The following TNK2 variants were observed in gnomAD, a reference collection of about 807,000 sequenced individuals.
TNK2 encodes tyrosine kinase non receptor 2, also known as activated CDC42 kinase 1.
In TNK2, 83 loss-of-function variants were observed where a neutral mutation model predicts 101.8. The observed-to-expected ratio is 0.82, with a 90% CI of 0.68 to 0.98. TNK2 has a LOEUF of 0.98. Among genes scored for constraint, TNK2 ranks in the 50% least tolerant of loss-of-function variants. The pLI is 0.00. For synonymous variants in TNK2, 804 were observed against 633.0 expected (o/e 1.27, Z -4.06); for missense variants, 1,665 against 1,483.2 (o/e 1.12, Z -2.01).
In TNK2 at chr3:195,864,209, G is replaced by A. The variant is rs773358269; in HGVS notation, c.3162-22C>T. On this transcript the variant is annotated intron_variant, in intron 15 of 15. Transcript: ENST00000672887. ...GCGCCTAGAGAATGGGAAACCACCA[G>A]CACAGTTAAACAGTTTACAGAAGGT... 4.3e-6 allele frequency: 7 copies of A among 1,613,872 alleles called. No individual in the cohort carries two copies. In the Admixed American group the frequency reaches 1.0e-4, roughly 23 times the overall value.
intron 1 of TNK2, among the ~76,000 whole-genome samples, chr3:195,891,168 C>T (rs76007885): frequency 0.14 from 21,653 of 152,256 alleles, 1,662 homozygotes; most frequent in Non-Finnish European, 0.18. Flanking sequence ...GCTGTAATCC[C>T]AGCACTTAGG....
chr3:195,906,857 C>G (rs946345366), intron 1 of TNK2, among the ~76,000 whole-genome samples: 1 of 152,180 alleles, frequency 6.6e-6, no homozygotes, highest in African/African-American at 2.4e-5. Flanking sequence ...CCAGAGGGAA[C>G]AGTCTGACCC....
At chr3:195,881,637 C>G (rs1270152428) in intron 6 of TNK2, among the ~76,000 whole-genome samples, 4 of 30,872 alleles carry the variant, frequency 1.3e-4, no homozygotes, top group Non-Finnish European at 2.0e-4. Flanking sequence ...CTTGTAACAC[C>G]CCCCCCCCAG....
intron 1 of TNK2, among the ~76,000 whole-genome samples, chr3:195,906,776 AAAAC>A (rs1162291634): frequency 1.3e-5 from 2 of 152,342 alleles, no homozygotes; most frequent in African/African-American, 4.8e-5. Context: ...ACTGTTATTT[AAAAC>A]AAACAAAAAG....
intron 1 of TNK2, chr3:195,892,827 CCT>C: frequency 1.1e-6 from 1 of 882,332 alleles, no homozygotes; most frequent in South Asian, 4.2e-5. Flanking sequence ...TCTCTCTCTC[CCT>C]CTCTCCCTCC....
At chr3:195,896,558 CA>C (rs1449362686) in intron 1 of TNK2, among the ~76,000 whole-genome samples, 1 of 152,206 alleles carries the variant, frequency 6.6e-6, no homozygotes, top group African/African-American at 2.4e-5. Flanking sequence ...GGAGTAGCTG[CA>C]AAGCCGGGAG....
At chr3:195,887,929 T>C (rs1163295899) in intron 2 of TNK2, among the ~76,000 whole-genome samples, 2 of 137,818 alleles carry the variant, frequency 1.5e-5, no homozygotes, top group African/African-American at 5.7e-5. Context: ...TGCGTGCACG[T>C]GTGTGCGCAT....
In TNK2 at chr3:195,867,028, G is replaced by A. The variant is rs1246901603; in HGVS notation, c.3034-12C>T. The A allele has an allele frequency of 2.5e-6, 4 of 1,612,826 alleles. No homozygotes were observed. Among genetic ancestry groups the A allele is most frequent in the Non-Finnish European group, 3.4e-6 (4 of 1,179,824 alleles). ...AAGAGCTGCTCCACCTGGGGGTAAGGGTGGCGCCATGGACACGCGGGCCCA... is the reference window on the plus strand; with the variant it reads ...AAGAGCTGCTCCACCTGGGGGTAAGAGTGGCGCCATGGACACGCGGGCCCA... On this transcript the variant is annotated splice_polypyrimidine_tract_variant and intron_variant, in intron 14 of 15. Coordinates refer to ENST00000672887, the MANE Select transcript of TNK2 (RefSeq NM_001382273.1).
chr3:195,887,867 G>A (rs1327491476), intron 2 of TNK2, among the ~76,000 whole-genome samples: 1 of 141,024 alleles, frequency 7.1e-6, no homozygotes, highest in Middle Eastern at 3.4e-3. Flanking sequence ...TGTGTGCGCA[G>A]GCGTGTGAGC....
At chr3:195,908,110 G>C (rs975253964) in intron 1 of TNK2, 2 of 152,450 alleles carry the variant, frequency 1.3e-5, no homozygotes, top group African/African-American at 4.8e-5. Context: ...TTGAGGACTT[G>C]TGTGTTGACT....
At chr3:195,891,283 G>A (rs1480108330) in intron 1 of TNK2, among the ~76,000 whole-genome samples, 1 of 152,224 alleles carries the variant, frequency 6.6e-6, no homozygotes, top group Non-Finnish European at 1.5e-5. Context: ...GCACATGCCT[G>A]TAATCTCAGC....
rs1430531115 is a variant in TNK2 at position 195,886,290 on chromosome 3, G to A, written c.234+687C>T. The A allele has an allele frequency of 6.6e-6, 1 of 152,486 alleles. No individual in the cohort carries two copies. Among genetic ancestry groups the A allele is most frequent in the Non-Finnish European group, 1.5e-5 (1 of 68,268 alleles). 9.4% of individuals were successfully genotyped at this position (152,486 alleles called of 1,614,324 possible). Reference sequence around the variant, plus strand: ...AAGGATCCCAAGAGACAGCCCCTTTGCCGGATTGCAGCCAGGAAAATCTCT... The same window carrying A: ...AAGGATCCCAAGAGACAGCCCCTTTACCGGATTGCAGCCAGGAAAATCTCT... On this transcript the variant is annotated intron_variant, in intron 3 of 15. Transcript: ENST00000672887. The surrounding 1 kb of genome is among the most constrained non-coding windows in gnomAD (Gnocchi z 4.2).
At chr3:195,902,191 C>G (rs565711468) in intron 1 of TNK2, among the ~76,000 whole-genome samples, 1 of 152,300 alleles carries the variant, frequency 6.6e-6, no homozygotes, top group Non-Finnish European at 1.5e-5. Context: ...CAAATCCCAG[C>G]GTGAGAGACA....
chr3:195,869,651 G>C (rs1462808199), intron 11 of TNK2, 110 bp from the exon 12 acceptor site: 10 of 1,115,994 alleles, frequency 9.0e-6, no homozygotes, highest in Non-Finnish European at 1.3e-5. Context: ...AGGGAGAGAA[G>C]TGAATGGGGG....
At chr3:195,890,927 G>A (rs1262287161) in intron 1 of TNK2, among the ~76,000 whole-genome samples, 1 of 152,158 alleles carries the variant, frequency 6.6e-6, no homozygotes, top group Non-Finnish European at 1.5e-5. Flanking sequence ...GTTTCCACCT[G>A]AGGTCTCAAG....
At chr3:195,871,555 A>G (rs918722048) in intron 10 of TNK2, among the ~76,000 whole-genome samples, 1 of 152,070 alleles carries the variant, frequency 6.6e-6, no homozygotes, top group African/African-American at 2.4e-5. Flanking sequence ...AGGGGGCCAC[A>G]GGGGGGTCAT....
intron 12 of TNK2, chr3:195,869,087 T>C (rs1038863147): frequency 2.1e-6 from 1 of 471,054 alleles, no homozygotes. Flanking sequence ...ACACCATTAG[T>C]GCAGGCACGG....
Position 195,885,257 on chromosome 3 carries a change from A to G in TNK2, c.235-224T>C. ...TGATGCTGGCCTCAAGGAGGGTGCCAGAAAGAGACCGACAGGCATGCAGCC... is the reference window on the plus strand; with the variant it reads ...TGATGCTGGCCTCAAGGAGGGTGCCGGAAAGAGACCGACAGGCATGCAGCC... On this transcript the variant is annotated intron_variant, in intron 3 of 15. Coordinates refer to ENST00000672887, the MANE Select transcript of TNK2 (RefSeq NM_001382273.1). This position sits in a 1 kb window ranked among gnomAD's most constrained non-coding sequence, Gnocchi z 4.7. 8.8e-7 allele frequency: 1 copy of G among 1,132,610 alleles called. No individual in the cohort carries two copies. Among genetic ancestry groups the G allele is most frequent in the Non-Finnish European group, 1.2e-6 (1 of 824,392 alleles). 70.2% of individuals were successfully genotyped at this position (1,132,610 alleles called of 1,614,324 possible).
intron 10 of TNK2, among the ~76,000 whole-genome samples, chr3:195,870,981 GGTGTGTGGGGGCCCGCTGTGTGGGTTCT>G (rs1744823160): frequency 1.1e-5 from 1 of 92,186 alleles, no homozygotes. Context: ...GTGGGGTTCT[GGTGTGTGGGGGCCCGCTGTGTGGGTTCT>G]GGTGTGTGGG....
Sources: gnomAD v4.1 joint callset for allele counts (sites outside exome capture counted in the v4.1 genomes callset) on GRCh38, gnomAD v4.1.1 for gene constraint, Gnocchi (gnomAD v3.1) non-coding constraint, MANE v1.5 for transcripts, NCBI Gene and HGNC (gene_info 2026-07-23, HGNC 2026-07-21) for gene names.